DPH6: variants seen among roughly 807,000 people sequenced by gnomAD.
DPH6 encodes the protein diphthine--ammonia ligase.
DPH6 carries 33 observed loss-of-function variants against 38.2 expected under a neutral mutation model. That is an observed-to-expected ratio of 0.86 (90% CI 0.65 to 1.15). The LOEUF is 1.15. Among genes scored for constraint, DPH6 ranks in the 50% most tolerant of loss-of-function variants. The pLI is 0.00. For synonymous variants in DPH6, 108 were observed against 103.0 expected, an observed-to-expected ratio of 1.05 and a Z score of -0.30; for missense variants, 325 against 320.0, an observed-to-expected ratio of 1.02 and a Z score of -0.12.
exon 4 of DPH6, chr15:35,218,114 A>G (rs1047240387): frequency 6.6e-6 from 1 of 152,138 alleles, no homozygotes; most frequent in Non-Finnish European, 1.5e-5. Flanking sequence ...ACAGATACAG[A>G]GGGCCAACTG....
intron 3 of DPH6, among the ~76,000 whole-genome samples, chr15:35,531,412 T>C (rs1356552361): frequency 2.0e-5 from 3 of 152,126 alleles, no homozygotes; most frequent in Non-Finnish European, 4.4e-5. Context: ...CAAAATGAAT[T>C]TGCCAATGGT....
chr15:35,266,858 G>T (rs1468045315), intron 3 of DPH6, among the ~76,000 whole-genome samples: 2 of 152,164 alleles, frequency 1.3e-5, no homozygotes, highest in South Asian at 2.1e-4. Context: ...CATGGTTCAT[G>T]CATTCAAGGA....
At chr15:35,187,001 T>C in the DPH6 span, among the ~76,000 whole-genome samples, 1 of 152,356 alleles carries the variant, frequency 6.6e-6, no homozygotes, top group Non-Finnish European at 1.5e-5. Flanking sequence ...AAGTATTTCT[T>C]TGGGCCTGCT....
At chr15:35,522,985 T>C (rs901034281) in intron 3 of DPH6, among the ~76,000 whole-genome samples, 1 of 152,070 alleles carries the variant, frequency 6.6e-6, no homozygotes, top group Non-Finnish European at 1.5e-5. Context: ...ATAATTTACA[T>C]TGCCAATGAT....
intron 3 of DPH6, among the ~76,000 whole-genome samples, chr15:35,285,084 A>G (rs1277176197): frequency 1.3e-5 from 2 of 152,138 alleles, no homozygotes; most frequent in Non-Finnish European, 2.9e-5. Context: ...TGTTAGGATT[A>G]CAGGTGTGAG....
intron 5 of DPH6, among the ~76,000 whole-genome samples, chr15:35,436,830 A>G (rs1319697291): frequency 6.8e-6 from 1 of 146,180 alleles, no homozygotes; most frequent in Non-Finnish European, 1.5e-5. Flanking sequence ...CCCCTTTTAG[A>G]GGACATTTTA....
the DPH6 span, among the ~76,000 whole-genome samples, chr15:35,182,072 T>A: frequency 9.2e-5 from 14 of 152,166 alleles, no homozygotes; most frequent in Non-Finnish European, 1.8e-4. Context: ...TTTGTAGGTT[T>A]GTTTTTATTT....
chr15:35,208,899 T>C, the DPH6 span, among the ~76,000 whole-genome samples: 1 of 152,172 alleles, frequency 6.6e-6, no homozygotes, highest in Non-Finnish European at 1.5e-5. Context: ...AAATTAAATT[T>C]ATTTTAAAAA....
the DPH6 span, among the ~76,000 whole-genome samples, chr15:35,149,879 T>A: frequency 2.6e-5 from 4 of 152,212 alleles, no homozygotes; most frequent in Non-Finnish European, 5.9e-5. Context: ...TAGAGGTGCA[T>A]AAAAGAATTA....
chr15:35,272,084 T>C (rs2051825697), intron 3 of DPH6, among the ~76,000 whole-genome samples: 1 of 152,024 alleles, frequency 6.6e-6, no homozygotes, highest in East Asian at 1.9e-4. Context: ...TTCTGTGGAT[T>C]CAACCAACCA....
At chr15:35,492,091 T>A (rs2054490803) in intron 3 of DPH6, among the ~76,000 whole-genome samples, 1 of 152,064 alleles carries the variant, frequency 6.6e-6, no homozygotes, top group African/African-American at 2.4e-5. Context: ...GTGGTGTAGA[T>A]TCCAGTCCAA....
At chr15:35,484,881 A>ATAGAAAGAGAAAATACTATTCT in intron 3 of DPH6, among the ~76,000 whole-genome samples, 1 of 152,350 alleles carries the variant, frequency 6.6e-6, no homozygotes, top group Admixed American at 6.5e-5. Context: ...AAACGTTTAA[A>ATAGAAAGAGAAAATACTATTCT]TAGAAAGAGA....
chr15:35,265,926 T>C (rs997792246), intron 3 of DPH6, among the ~76,000 whole-genome samples: 2 of 152,190 alleles, frequency 1.3e-5, no homozygotes, highest in African/African-American at 2.4e-5. Context: ...GATATTGAAG[T>C]TTGTAGAGGG....
At chr15:35,398,232 G>C (rs1192680005) in intron 6 of DPH6, among the ~76,000 whole-genome samples, 3 of 152,142 alleles carry the variant, frequency 2.0e-5, no homozygotes, top group Non-Finnish European at 2.9e-5. Context: ...GTAATTTCCT[G>C]AGTGACAGAA....
At chr15:35,193,785 C>T in the DPH6 span, among the ~76,000 whole-genome samples, 3 of 152,032 alleles carry the variant, frequency 2.0e-5, no homozygotes, top group Non-Finnish European at 4.4e-5. Flanking sequence ...AATAATTAGT[C>T]AATACTAAAC....
chr15:35,298,888 G>C, intron 3 of DPH6: 1 of 948,808 alleles, frequency 1.1e-6, no homozygotes, highest in Non-Finnish European at 1.7e-6. Flanking sequence ...AAAATCTCGG[G>C]GTAACTGTCT....
chr15:35,401,114 A>C lies in DPH6; in HGVS notation c.567+9721T>G. The C allele has an allele frequency of 3.3e-6, 3 of 917,092 alleles. No individual in the cohort carries two copies. In the South Asian group the frequency reaches 3.9e-5, roughly 12 times the overall value. The allele number at this position is 917,092 out of a possible 1,614,324, so 56.8% of individuals were successfully genotyped here. A position where few individuals can be genotyped will look rare whatever the true frequency, so the allele number is the denominator to read the frequency against. ...GGCTTTGCCTTTGTAACCTTTGATG[A>C]CCATGACTTTGTGGATAAGACTGTC... On this transcript the variant is annotated intron_variant, in intron 6 of 8. Transcript: ENST00000256538.
At chr15:35,504,271 A>T (rs997318310) in intron 3 of DPH6, among the ~76,000 whole-genome samples, 3 of 151,986 alleles carry the variant, frequency 2.0e-5, no homozygotes, top group Non-Finnish European at 4.4e-5. Context: ...ACCTCCTGCC[A>T]CTACTTATAT....
chr15:35,267,421 C>T (rs2051790134), intron 3 of DPH6, among the ~76,000 whole-genome samples: 1 of 152,210 alleles, frequency 6.6e-6, no homozygotes, highest in African/African-American at 2.4e-5. Context: ...GCTATTTTTT[C>T]ACCTATCAGG....
Sources: gnomAD v4.1 joint callset for allele counts (sites outside exome capture counted in the v4.1 genomes callset) on GRCh38, gnomAD v4.1.1 for gene constraint, MANE v1.5 for transcripts, NCBI Gene and HGNC (gene_info 2026-07-23, HGNC 2026-07-21) for gene names.